Variants in NR3C2 observed in about 807,000 individuals in gnomAD.
NR3C2 encodes mineralocorticoid receptor.
A neutral mutation model predicts 86.4 loss-of-function variants in NR3C2; 15 were observed. The observed-to-expected ratio is 0.17, with a 90% CI of 0.12 to 0.27. The LOEUF is 0.27. Ranked by LOEUF, NR3C2 falls within the 10% of genes least tolerant of loss-of-function variation. NR3C2 has a pLI of 1.00. For missense variants in NR3C2, 960 were observed against 1,195.6 expected (o/e 0.80, Z 2.91); for synonymous variants, 458 against 450.5 (o/e 1.02, Z -0.21).
chr4:148,340,454 C>T (rs1256452396), intron 2 of NR3C2, among the ~76,000 whole-genome samples: 1 of 152,060 alleles, frequency 6.6e-6, no homozygotes, highest in African/African-American at 2.4e-5. Context: ...AAGCTAGACC[C>T]CTGTCTCTTA....
intron 2 of NR3C2, among the ~76,000 whole-genome samples, chr4:148,293,887 C>T (rs904127163): frequency 5.3e-5 from 8 of 152,274 alleles, no homozygotes; most frequent in East Asian, 1.9e-4. Context: ...TACATGACCA[C>T]GGTTTGTTGG....
intron 2 of NR3C2, among the ~76,000 whole-genome samples, chr4:148,304,484 A>C (rs886252084): frequency 7.9e-5 from 12 of 151,910 alleles, no homozygotes; most frequent in African/African-American, 2.9e-4. Context: ...TCAGGACATT[A>C]AACTCCAAAG....
chr4:148,203,848 T>C (rs1001149303), intron 3 of NR3C2, among the ~76,000 whole-genome samples: 4 of 152,156 alleles, frequency 2.6e-5, no homozygotes, highest in Non-Finnish European at 5.9e-5. Context: ...TGAGTGGGCC[T>C]GGATTAACAT....
In NR3C2 at chr4:148,081,856, G is replaced by T. The variant is rs543936597; in HGVS notation, c.2800-357C>A. ...TGCCTACACGTGTATCTTTGTATTG[G>T]TGAGGGGCCTTCCCAGGGTGTAAGG... On this transcript the variant is annotated intron_variant, in intron 8 of 8. Transcript: ENST00000358102. Among the ~76,000 whole-genome samples, 11 of 152,330 alleles carry T rather than the reference G, an allele frequency of 7.2e-5. No individual in the cohort carries two copies. The South Asian group carries it at 2.3e-3, about 32-fold the overall frequency.
chr4:148,431,549 G>A (rs552289845), intron 2 of NR3C2, among the ~76,000 whole-genome samples: 1 of 152,188 alleles, frequency 6.6e-6, no homozygotes, highest in African/African-American at 2.4e-5. Flanking sequence ...CATTCTAAGG[G>A]CTTTACATTT....
chr4:148,352,508 G>A (rs1745340869), intron 2 of NR3C2, among the ~76,000 whole-genome samples: 1 of 151,960 alleles, frequency 6.6e-6, no homozygotes, highest in Non-Finnish European at 1.5e-5. Flanking sequence ...ACCGCAGGCT[G>A]CCACTCTGAT....
At position 148,435,168 on chromosome 4, in the gene NR3C2, C is replaced by T; in HGVS notation, c.1693G>A (p.Asp565Asn). 1.2e-6 allele frequency: 2 copies of T among 1,614,072 alleles called. No homozygotes were observed. The highest frequency in any genetic ancestry group is 1.3e-5 in the African/African-American group (1 of 75,006). ...TLVESWKSHG[D>N]LSSRRSDGYP... The stretch of plus-strand genomic sequence containing the variant: ...CCATCACTTCTTCTAGACGACAGGT[C>T]GCCGTGTGATTTCCATGACTCCACT... Residue 565 changes from aspartate to asparagine, a missense_variant, in exon 2 of 9, where the codon GAC becomes AAC. Physicochemically the swap from Asp to Asn is conservative, Grantham distance 23 (BLOSUM62 1). Transcript: ENST00000358102.
intron 2 of NR3C2, among the ~76,000 whole-genome samples, chr4:148,429,435 C>CT (rs201734536): frequency 4.9e-4 from 74 of 152,116 alleles, no homozygotes; most frequent in East Asian, 2.1e-3. Context: ...ATTCAAATTA[C>CT]TTTTTTTTGT....
At chr4:148,369,890 C>T (rs1005436453) in intron 2 of NR3C2, among the ~76,000 whole-genome samples, 5 of 152,226 alleles carry the variant, frequency 3.3e-5, no homozygotes, top group Non-Finnish European at 7.3e-5. Context: ...CTGTCCCAGT[C>T]TCTCCATATG....
At chr4:148,418,437 T>C (rs897669645) in intron 2 of NR3C2, among the ~76,000 whole-genome samples, 2 of 152,204 alleles carry the variant, frequency 1.3e-5, no homozygotes, top group African/African-American at 2.4e-5. Flanking sequence ...CACTAAGATA[T>C]CTTCATGATA....
chr4:148,336,545 G>A (rs1318945179), intron 2 of NR3C2, among the ~76,000 whole-genome samples: 1 of 152,102 alleles, frequency 6.6e-6, no homozygotes, highest in Non-Finnish European at 1.5e-5. Flanking sequence ...ATAATTGGGG[G>A]CCTACACAGT....
intron 3 of NR3C2, among the ~76,000 whole-genome samples, chr4:148,246,368 TAAAC>T (rs1162015911): frequency 4.6e-5 from 7 of 152,316 alleles, no homozygotes; most frequent in Non-Finnish European, 7.4e-5. Flanking sequence ...TTTTTCAACT[TAAAC>T]AAATTTCAGT....
Position 148,435,249 on chromosome 4 carries a change from A to C in NR3C2, c.1612T>G (p.Ser538Ala), listed in dbSNP as rs1749984297. The C allele has an allele frequency of 4.3e-6, 7 of 1,614,044 alleles. No individual in the cohort carries two copies. The highest frequency in any genetic ancestry group is 1.3e-5 in the African/African-American group (1 of 74,924). ...TGTTGGAAAGATTGGTCTCTAGCCG[A>C]TCGTGATAAAGATATTGTACCTTGA... is the stretch of plus-strand genomic sequence containing the variant. ...GAQGTISLSR[S>A]ARDQSFQHLS... The change falls in exon 2 of 9, where the codon TCG becomes GCG. Residue 538 changes from serine to alanine, a missense_variant. By Grantham distance (99) the Ser-to-Ala change is moderately conservative (BLOSUM62 1). This residue lies in a region of NR3C2 where 680 missense variants were observed against 719.0 expected (regional missense o/e 0.95). Transcript: ENST00000358102.
At chr4:148,114,037 C>G in intron 8 of NR3C2, 67 bp downstream of exon 8, 1 of 1,583,664 alleles carries the variant, frequency 6.3e-7, no homozygotes, top group Non-Finnish European at 8.6e-7. Context: ...TCTCTGTTTC[C>G]TTTGGTCAGC....
intron 8 of NR3C2, among the ~76,000 whole-genome samples, chr4:148,095,667 G>A (rs919439110): frequency 3.3e-5 from 5 of 152,210 alleles, no homozygotes; most frequent in African/African-American, 9.6e-5. Flanking sequence ...GCTTAGTGAC[G>A]CTGATGGAGT....
intron 2 of NR3C2, among the ~76,000 whole-genome samples, chr4:148,405,947 C>T (rs1748401549): frequency 6.6e-6 from 1 of 152,146 alleles, no homozygotes; most frequent in Non-Finnish European, 1.5e-5. Flanking sequence ...CGGTCAAGAC[C>T]AGCCTGGGCA....
chr4:148,326,863 CA>C (rs1743994936), intron 2 of NR3C2, among the ~76,000 whole-genome samples: 1 of 151,794 alleles, frequency 6.6e-6, no homozygotes, highest in Non-Finnish European at 1.5e-5. Flanking sequence ...TATTTTTTCC[CA>C]AAAAATTAAT....
At chr4:148,321,628 T>C (rs1437865389) in intron 2 of NR3C2, among the ~76,000 whole-genome samples, 2 of 152,216 alleles carry the variant, frequency 1.3e-5, no homozygotes. Context: ...TTTACCATTA[T>C]GTAATGGCCT....
At chr4:148,299,374 T>G (rs73854506) in intron 2 of NR3C2, among the ~76,000 whole-genome samples, 6,601 of 152,232 alleles carry the variant, frequency 0.043, 459 homozygotes, top group African/African-American at 0.15. Flanking sequence ...ACCCTGTCGC[T>G]CTGGGGGGTT....
Sources: allele counts gnomAD v4.1 joint callset (sites outside exome capture counted in the v4.1 genomes callset), GRCh38; gene constraint gnomAD v4.1.1; regional missense constraint gnomAD v4.1.1; transcripts MANE v1.5; gene names NCBI Gene and HGNC (gene_info 2026-07-23, HGNC 2026-07-21).